Variants in ACOX3 observed in about 807,000 individuals in gnomAD.
The protein encoded by ACOX3 is acyl-CoA oxidase 3, pristanoyl.
ACOX3 carries 73 observed loss-of-function variants against 81.5 expected under a neutral mutation model. The observed-to-expected ratio is 0.90, with a 90% CI of 0.74 to 1.09. The LOEUF (loss-of-function observed/expected upper bound fraction) is 1.09, where lower values mean the gene tolerates loss of function less well. ACOX3 is among the 50% of genes least tolerant of loss of function. The pLI is 0.00. For missense variants in ACOX3, 947 were observed against 928.0 expected (o/e 1.02, Z -0.27); for synonymous variants, 387 against 375.1 (o/e 1.03, Z -0.37).
intron 17 of ACOX3, among the ~76,000 whole-genome samples, chr4:8,369,994 G>A (rs527839451): frequency 6.6e-5 from 10 of 152,222 alleles, no homozygotes; most frequent in Non-Finnish European, 1.3e-4. Flanking sequence ...TGTGAGCATC[G>A]CTCCTCGAGG....
At chr4:8,358,814 C>G in the ACOX3 span, among the ~76,000 whole-genome samples, 6 of 152,198 alleles carry the variant, frequency 3.9e-5, no homozygotes, top group African/African-American at 1.4e-4. Flanking sequence ...ATTAGCATAT[C>G]ATCAAGAAAT....
chr4:8,380,663 G>C (rs770302506), intron 14 of ACOX3, among the ~76,000 whole-genome samples: 30 of 152,158 alleles, frequency 2.0e-4, no homozygotes, highest in Non-Finnish European at 3.2e-4. Context: ...TGTGGACCTG[G>C]GTCCCCATAG....
At chr4:8,404,916 T>C (rs1720768209) in intron 7 of ACOX3, among the ~76,000 whole-genome samples, 1 of 152,120 alleles carries the variant, frequency 6.6e-6, no homozygotes, top group South Asian at 2.1e-4. Flanking sequence ...TACACCCTGC[T>C]GGATCAGGCT....
intron 7 of ACOX3, among the ~76,000 whole-genome samples, chr4:8,404,202 G>A (rs1430829317): frequency 6.6e-6 from 1 of 152,166 alleles, no homozygotes; most frequent in Non-Finnish European, 1.5e-5. Context: ...CCTGAACAGC[G>A]ACCCTCCATA....
Position 8,405,792 on chromosome 4 carries a change from C to T in ACOX3, c.776+163G>A, listed in dbSNP as rs540847892. Among the ~76,000 whole-genome samples the T allele has an allele frequency of 2.4e-4, 37 of 152,298 alleles. No individual in the cohort carries two copies. The highest frequency in any genetic ancestry group is 8.2e-4 in the African/African-American group (34 of 41,576). Reference sequence around the variant, plus strand: ...CTCCCAAAGTGGAGTTCAAGCAGGACGTGGCCAGTGCATGCACGGGGGCTA... The same window carrying T: ...CTCCCAAAGTGGAGTTCAAGCAGGATGTGGCCAGTGCATGCACGGGGGCTA... On this transcript the variant is annotated intron_variant, in intron 7 of 17. Transcript: ENST00000356406. The surrounding 1 kb of genome is among the most constrained non-coding windows in gnomAD (Gnocchi z 7.1).
At chr4:8,425,922 A>G (rs539260050) in intron 1 of ACOX3, among the ~76,000 whole-genome samples, 3 of 152,060 alleles carry the variant, frequency 2.0e-5, no homozygotes, top group Non-Finnish European at 2.9e-5. Flanking sequence ...TGGAGGCCAC[A>G]ATCCTCAGGG....
In ACOX3 at chr4:8,423,317, G is replaced by A. The variant is rs1024608608; in HGVS notation, c.-14-6782C>T. On this transcript the variant is annotated intron_variant, in intron 1 of 17. Transcript: ENST00000356406. The surrounding 1 kb of genome is among the most constrained non-coding windows in gnomAD (Gnocchi z 4.2). ...GGCCATTATACACCTGAACATGGGA[G>A]AAGGAACACCGTTTGCTGTCCCCTA... Among the ~76,000 whole-genome samples, 1 of 152,158 alleles carries A rather than the reference G, an allele frequency of 6.6e-6. No homozygotes were observed.
intron 7 of ACOX3, among the ~76,000 whole-genome samples, chr4:8,401,242 C>T (rs1379010118): frequency 1.3e-5 from 2 of 152,092 alleles, no homozygotes; most frequent in African/African-American, 4.8e-5. Context: ...TGGCCTAGTT[C>T]CTAACAGGCC....
At chr4:8,398,560 C>T (rs1359937695) in intron 8 of ACOX3, among the ~76,000 whole-genome samples, 1 of 152,214 alleles carries the variant, frequency 6.6e-6, no homozygotes, top group Non-Finnish European at 1.5e-5. Context: ...TAGCTCACTG[C>T]AGCCTGACTT....
At position 8,430,631 on chromosome 4, in the gene ACOX3, A is replaced by G. The variant is rs1387427008; in HGVS notation, c.-15+10017T>C. Among the ~76,000 whole-genome samples, 2 of 152,158 alleles carry G rather than the reference A, an allele frequency of 1.3e-5. No individual in the cohort carries two copies. The highest frequency in any genetic ancestry group is 2.9e-5 in the Non-Finnish European group (2 of 68,028). On this transcript the variant is annotated intron_variant, in intron 1 of 17. Coordinates refer to ENST00000356406, the MANE Select transcript of ACOX3 (RefSeq NM_003501.3). The surrounding 1 kb of genome is among the most constrained non-coding windows in gnomAD (Gnocchi z 5.2). ...AGCACTTTGGGAGGTCGAGGTGGGCAGATCACTTGAGGTCAGGAGTTTGAG... is the reference window on the plus strand; with the variant it reads ...AGCACTTTGGGAGGTCGAGGTGGGCGGATCACTTGAGGTCAGGAGTTTGAG...
intron 1 of ACOX3, chr4:8,438,921 A>C (rs1724411211): frequency 6.6e-6 from 1 of 152,178 alleles, no homozygotes; most frequent in African/African-American, 2.4e-5. Context: ...TGCTCTGGTC[A>C]CTCCGGAGGC....
intron 1 of ACOX3, chr4:8,438,784 T>C (rs1327075410): frequency 6.6e-6 from 1 of 152,254 alleles, no homozygotes; most frequent in East Asian, 1.9e-4. Context: ...GCAGGTGTTG[T>C]GTCTTAGATC....
At chr4:8,393,672 C>G (rs1325244529) in intron 10 of ACOX3, among the ~76,000 whole-genome samples, 1 of 151,492 alleles carries the variant, frequency 6.6e-6, no homozygotes, top group Non-Finnish European at 1.5e-5. Flanking sequence ...CATGCTAAGT[C>G]CAGTGACCCA....
intron 16 of ACOX3, among the ~76,000 whole-genome samples, chr4:8,372,639 G>A (rs1037067275): frequency 2.0e-5 from 3 of 152,172 alleles, no homozygotes; most frequent in African/African-American, 4.8e-5. Flanking sequence ...CTCTGGAACC[G>A]CAGGCTCAGG....
chr4:8,402,056 G>A (rs1440976798), intron 7 of ACOX3, among the ~76,000 whole-genome samples: 1 of 152,242 alleles, frequency 6.6e-6, no homozygotes, highest in East Asian at 1.9e-4. Flanking sequence ...GCACGTAAGT[G>A]GCATGGTATG....
chr4:8,417,966 AC>A (rs1315260622), intron 1 of ACOX3, among the ~76,000 whole-genome samples: 3 of 152,250 alleles, frequency 2.0e-5, no homozygotes, highest in Non-Finnish European at 4.4e-5. Context: ...CTGGGAAGAC[AC>A]AGCTAACAAA....
Position 8,370,917 on chromosome 4 carries a change from G to A in ACOX3, c.1974C>T (p.Ala658=), listed in dbSNP as rs199611863. 219 of 1,613,712 alleles carry A rather than the reference G, an allele frequency of 1.4e-4. No homozygotes were observed. Among genetic ancestry groups the A allele is most frequent in the Non-Finnish European group, 1.7e-4 (205 of 1,179,974 alleles). ...CCTGTCCTCCCTTTACCTCGCCGTC[G>A]GCTCTGCCAATCGGTGAGTCCAGAA... ...DFVLDSPIGR[A]DGELYKNLWG... is the part of the protein sequence containing the mutation. The change falls in exon 17 of 18, where the codon GCC becomes GCT. Residue 658 remains alanine, a synonymous_variant. Transcript: ENST00000356406. This position sits in a 1 kb window ranked among gnomAD's most constrained non-coding sequence, Gnocchi z 6.3.
At chr4:8,373,453 T>C in intron 16 of ACOX3, 108 bp downstream of exon 16, 1 of 1,185,470 alleles carries the variant, frequency 8.4e-7, no homozygotes, top group Non-Finnish European at 1.2e-6. Flanking sequence ...TCAGTCTGGG[T>C]GATACTAAGG....
At chr4:8,398,431 C>A (rs1388066098) in intron 8 of ACOX3, among the ~76,000 whole-genome samples, 1 of 152,158 alleles carries the variant, frequency 6.6e-6, no homozygotes, top group Non-Finnish European at 1.5e-5. Flanking sequence ...AAGCCTTCTT[C>A]CCCTCTCATT....
Sources: allele counts gnomAD v4.1 joint callset (sites outside exome capture counted in the v4.1 genomes callset), GRCh38; gene constraint gnomAD v4.1.1; non-coding constraint Gnocchi (gnomAD v3.1); transcripts MANE v1.5; gene names NCBI Gene and HGNC (gene_info 2026-07-23, HGNC 2026-07-21).